Variants in USH2A observed in about 807,000 individuals in gnomAD.
USH2A encodes the protein Usher syndrome 2A (autosomal recessive, mild).
Under a neutral mutation model 538.9 loss-of-function variants are expected in USH2A, and 443 were observed. That is an observed-to-expected ratio of 0.82 (90% CI 0.76 to 0.89). USH2A has a LOEUF of 0.89. Among genes scored for constraint, USH2A ranks in the 40% least tolerant of loss-of-function variants. USH2A has a pLI of 0.00. For synonymous variants in USH2A, 2,413 were observed against 2,273.5 expected, an observed-to-expected ratio of 1.06 and a Z score of -1.75; for missense variants, 6,633 against 6,324.8, an observed-to-expected ratio of 1.05 and a Z score of -1.65.
rs571378221 is a variant in USH2A at position 215,956,030 on chromosome 1, A to AT, written c.7120+9286dup. Among the ~76,000 whole-genome samples, 404 of 152,094 alleles carry AT rather than the reference A, an allele frequency of 2.7e-3. 2 individuals carry two copies. Among genetic ancestry groups the AT allele is most frequent in the African/African-American group, 6.9e-3 (286 of 41,494 alleles). On this transcript the variant is annotated intron_variant, in intron 37 of 71. Transcript: ENST00000307340. Reference sequence around the variant, plus strand: ...AAGGACATTGGCCCCAGATGGCTAGATTTTTTTTCTATTTCTCTGTGTAAT... The same window carrying AT: ...AAGGACATTGGCCCCAGATGGCTAGATTTTTTTTTCTATTTCTCTGTGTAAT...
intron 55 of USH2A, 60 bp downstream of exon 55, chr1:215,779,783 C>A: frequency 6.3e-7 from 1 of 1,593,844 alleles, no homozygotes; most frequent in South Asian, 1.1e-5. Flanking sequence ...GGATGCTTTG[C>A]CCCCCTAACC....
chr1:216,253,960 C>T (rs2036211848), intron 11 of USH2A, among the ~76,000 whole-genome samples: 1 of 152,152 alleles, frequency 6.6e-6, no homozygotes, highest in African/African-American at 2.4e-5. Flanking sequence ...AAAGCATATT[C>T]ACTTTTTTCT....
At chr1:215,667,361 G>C (rs1237832979) in intron 64 of USH2A, among the ~76,000 whole-genome samples, 1 of 152,062 alleles carries the variant, frequency 6.6e-6, no homozygotes, top group Non-Finnish European at 1.5e-5. Context: ...TTCCCTCTTT[G>C]GTTTTCTGCA....
At chr1:215,691,558 C>T (rs1658613334) in intron 61 of USH2A, among the ~76,000 whole-genome samples, 1 of 152,142 alleles carries the variant, frequency 6.6e-6, no homozygotes, top group African/African-American at 2.4e-5. Context: ...GCAACTGACC[C>T]ACTCTCCTCC....
intron 37 of USH2A, among the ~76,000 whole-genome samples, chr1:215,935,741 A>G (rs1024412490): frequency 4.6e-5 from 7 of 152,076 alleles, no homozygotes; most frequent in African/African-American, 1.7e-4. Context: ...TGAAAAATTT[A>G]TGAGACAATT....
At chr1:216,002,316 C>A (rs1267130136) in intron 32 of USH2A, among the ~76,000 whole-genome samples, 1 of 152,154 alleles carries the variant, frequency 6.6e-6, no homozygotes, top group African/African-American at 2.4e-5. Context: ...TTGTATCTGC[C>A]ATTCCTCTGT....
intron 3 of USH2A, among the ~76,000 whole-genome samples, chr1:216,399,720 A>C (rs2039275067): frequency 6.6e-6 from 1 of 152,096 alleles, no homozygotes; most frequent in Admixed American, 6.5e-5. Flanking sequence ...GGGAGTTAGG[A>C]ATATGTCACC....
intron 60 of USH2A, among the ~76,000 whole-genome samples, chr1:215,739,607 C>T (rs946703274): frequency 4.6e-5 from 7 of 152,148 alleles, no homozygotes; most frequent in Admixed American, 2.6e-4. Flanking sequence ...ATGTGCTTAG[C>T]GTAAAATGGA....
intron 21 of USH2A, among the ~76,000 whole-genome samples, chr1:216,126,226 T>C (rs1287548879): frequency 2.8e-5 from 2 of 70,704 alleles, no homozygotes; most frequent in Non-Finnish European, 6.7e-5. Flanking sequence ...GTTGTTGTTT[T>C]GTTTTTGTTT....
At chr1:216,242,266 T>G (rs1001238817) in intron 13 of USH2A, among the ~76,000 whole-genome samples, 3 of 150,546 alleles carry the variant, frequency 2.0e-5, no homozygotes, top group African/African-American at 7.3e-5. Context: ...GAGAATGACA[T>G]GAACCTGGGA....
intron 37 of USH2A, among the ~76,000 whole-genome samples, chr1:215,939,477 TAA>T (rs1666581237): frequency 6.6e-6 from 1 of 152,168 alleles, no homozygotes; most frequent in South Asian, 2.1e-4. Context: ...GTCTCAAATA[TAA>T]AGTCTTAACT....
chr1:215,866,547 T>C (rs1332915536), intron 44 of USH2A, among the ~76,000 whole-genome samples: 1 of 152,176 alleles, frequency 6.6e-6, no homozygotes, highest in Non-Finnish European at 1.5e-5. Context: ...GCAATCCAAT[T>C]AAATGGTTCT....
At position 215,728,169 on chromosome 1, in the gene USH2A, G is replaced by A. The variant is rs142381713; in HGVS notation, c.11927C>T (p.Thr3976Met). The change falls in exon 61 of 72, where the codon ACG becomes ATG. Residue 3976 changes from threonine to methionine, a missense_variant. Physicochemically the swap from Thr to Met is moderately conservative, Grantham distance 81. Coordinates refer to ENST00000307340, the MANE Select transcript of USH2A (RefSeq NM_206933.4). ...ATTCAACAGAACTGAATGAGCACTC[G>A]TGGCTTGAGCCCAAGGAGCTGGAAA... ...QDFPAPWAQA[T>M]SAHSVLLNWT... 8.8e-4 allele frequency: 1,425 copies of A among 1,614,150 alleles called. No homozygotes were observed. Among genetic ancestry groups the A allele is most frequent in the Non-Finnish European group, 1.1e-3 (1,314 of 1,180,038 alleles).
intron 9 of USH2A, among the ~76,000 whole-genome samples, chr1:216,319,494 C>G (rs375513500): frequency 6.6e-5 from 10 of 152,148 alleles, no homozygotes; most frequent in South Asian, 4.1e-4. Context: ...CATTAGAAAT[C>G]CAAAAGAAAA....
intron 14 of USH2A, among the ~76,000 whole-genome samples, chr1:216,228,280 C>T (rs1003660033): frequency 6.6e-6 from 1 of 152,006 alleles, no homozygotes; most frequent in African/African-American, 2.4e-5. Context: ...AGAACTGCAT[C>T]AGTACATGTC....
At chr1:215,680,720 T>C (rs1658200438) in intron 61 of USH2A, among the ~76,000 whole-genome samples, 2 of 151,302 alleles carry the variant, frequency 1.3e-5, no homozygotes, top group African/African-American at 4.9e-5. Context: ...CAGCTCAAAA[T>C]GGAAATCAGT....
In USH2A at chr1:216,422,083, A is replaced by T; in HGVS notation, c.254T>A (p.Ile85Asn). The T allele has an allele frequency of 6.2e-7, 1 of 1,613,864 alleles. No individual in the cohort carries two copies. Reference sequence around the variant, plus strand: ...TGAAGATCTGTATGGGCAATCCTGAATACAAAACCGCTGGGTACAGAACTG... The same window carrying T: ...TGAAGATCTGTATGGGCAATCCTGATTACAAAACCGCTGGGTACAGAACTG... ...SIQFCTQRFC[I>N]QDCPYRSSHP... is the part of the protein sequence containing the mutation. Residue 85 changes from isoleucine (I) to asparagine (N), a missense_variant, in exon 2 of 72, where the codon ATT (isoleucine) becomes AAT (asparagine). Physicochemically the swap from Ile to Asn is moderately radical, Grantham distance 149. Coordinates refer to ENST00000307340, the MANE Select transcript of USH2A (RefSeq NM_206933.4).
At chr1:215,667,573 G>A (rs1047353306) in intron 64 of USH2A, among the ~76,000 whole-genome samples, 2 of 151,904 alleles carry the variant, frequency 1.3e-5, no homozygotes, top group East Asian at 1.9e-4. Flanking sequence ...GGTGGCGGGC[G>A]CCTGTAATCC....
intron 3 of USH2A, among the ~76,000 whole-genome samples, chr1:216,381,744 A>G (rs188570653): frequency 4.1e-4 from 62 of 152,224 alleles, no homozygotes; most frequent in African/African-American, 1.2e-3. Flanking sequence ...TTCTCCTGCT[A>G]CATATTCGAT....
Sources: gnomAD v4.1 joint callset for allele counts (sites outside exome capture counted in the v4.1 genomes callset) on GRCh38, gnomAD v4.1.1 for gene constraint, MANE v1.5 for transcripts, NCBI Gene and HGNC (gene_info 2026-07-23, HGNC 2026-07-21) for gene names.